The following NECAB1 variants were observed in gnomAD, a reference collection of about 807,000 sequenced individuals.
The protein encoded by NECAB1 is N-terminal EF-hand calcium binding protein 1.
A neutral mutation model predicts 57.5 loss-of-function variants in NECAB1; 29 were observed. The ratio of observed to expected loss-of-function variants is 0.50; its 90% CI spans 0.38 to 0.69. The LOEUF (loss-of-function observed/expected upper bound fraction) is 0.69. Among genes scored for constraint, NECAB1 ranks in the 30% least tolerant of loss-of-function variants. NECAB1 has a pLI of 0.00. For synonymous variants in NECAB1, 142 were observed against 147.7 expected, an observed-to-expected ratio of 0.96 and a Z score of 0.28; for missense variants, 372 against 413.8, an observed-to-expected ratio of 0.90 and a Z score of 0.88.
intron 12 of NECAB1, among the ~76,000 whole-genome samples, chr8:90,951,597 G>A (rs577558708): frequency 1.3e-5 from 2 of 152,138 alleles, no homozygotes; most frequent in Admixed American, 1.3e-4. Flanking sequence ...ATTAATATGT[G>A]CTAGGCATCA....
At chr8:90,939,005 T>C (rs1052971639) in intron 9 of NECAB1, among the ~76,000 whole-genome samples, 1 of 152,078 alleles carries the variant, frequency 6.6e-6, no homozygotes, top group Non-Finnish European at 1.5e-5. Flanking sequence ...CTCTATGTGG[T>C]TTTTAATCCT....
chr8:90,823,146 T>C (rs1274013981), intron 2 of NECAB1, among the ~76,000 whole-genome samples: 2 of 151,810 alleles, frequency 1.3e-5, no homozygotes, highest in Non-Finnish European at 2.9e-5. Flanking sequence ...TGCAATGGGT[T>C]GTTATGTCAC....
At chr8:90,923,571 CTAAAATGTATGGGGTCAACCAA>C (rs1471450715) in intron 6 of NECAB1, among the ~76,000 whole-genome samples, 1 of 152,204 alleles carries the variant, frequency 6.6e-6, no homozygotes, top group Non-Finnish European at 1.5e-5. Flanking sequence ...GTTCCTCCTT[CTAAAATGTATGGGGTCAACCAA>C]AAGGACAAAT....
In NECAB1 at chr8:90,936,029, C is replaced by A. The variant is rs373105736; in HGVS notation, c.747+1672C>A. ...AATTGGTTTGTTTTTTCAGAAGTAA[C>A]AATAAGATATTTGTCATTAAAAGTT... On this transcript the variant is annotated intron_variant, in intron 9 of 12. Transcript: ENST00000417640. 3.2e-4 allele frequency among the ~76,000 whole-genome samples: 48 copies of A among 152,140 alleles called. 1 individual carries two copies. The highest frequency in any genetic ancestry group is 1.1e-3 in the African/African-American group (47 of 41,532).
At chr8:90,829,322 C>A (rs768741823) in intron 3 of NECAB1, among the ~76,000 whole-genome samples, 42 of 152,060 alleles carry the variant, frequency 2.8e-4, no homozygotes, top group Non-Finnish European at 5.0e-4. Context: ...CAAAAGTGTT[C>A]TTATTCATCA....
chr8:90,925,731 A>C, intron 7 of NECAB1, 75 bp downstream of exon 7: 1 of 1,561,884 alleles, frequency 6.4e-7, no homozygotes, highest in South Asian at 1.2e-5. Context: ...ATTTTAACAA[A>C]CAACAGATAA....
At chr8:90,816,231 T>A (rs1314461581) in intron 2 of NECAB1, among the ~76,000 whole-genome samples, 1 of 151,916 alleles carries the variant, frequency 6.6e-6, no homozygotes, top group African/African-American at 2.4e-5. Context: ...GTTTTAAGAG[T>A]TCTTTGTATA....
At chr8:90,830,331 G>C (rs533132165) in intron 3 of NECAB1, among the ~76,000 whole-genome samples, 4 of 152,172 alleles carry the variant, frequency 2.6e-5, no homozygotes, top group East Asian at 1.9e-4. Context: ...CTGGAGAATA[G>C]AGCAGGCCAC....
At chr8:90,916,122 C>T (rs1809945378) in intron 5 of NECAB1, among the ~76,000 whole-genome samples, 1 of 152,186 alleles carries the variant, frequency 6.6e-6, no homozygotes, top group African/African-American at 2.4e-5. Flanking sequence ...CAATATTAAC[C>T]ATCTCAGTAG....
chr8:90,893,229 A>G (rs1809231724), intron 5 of NECAB1, among the ~76,000 whole-genome samples: 1 of 151,540 alleles, frequency 6.6e-6, no homozygotes, highest in South Asian at 2.1e-4. Flanking sequence ...TTGATCCTCC[A>G]AGTGGGGTGT....
intron 10 of NECAB1, among the ~76,000 whole-genome samples, chr8:90,947,000 A>G (rs1328423645): frequency 6.6e-6 from 1 of 152,224 alleles, no homozygotes. Context: ...CCCCCAAAGT[A>G]CCTGTGAAGG....
intron 1 of NECAB1, among the ~76,000 whole-genome samples, chr8:90,792,774 A>G (rs534995234): frequency 2.0e-5 from 3 of 150,810 alleles, no homozygotes; most frequent in African/African-American, 7.3e-5. Context: ...TTTATTTCTT[A>G]TTTATTTCTC....
chr8:90,954,914 A>C (rs576577809), intron 12 of NECAB1, among the ~76,000 whole-genome samples: 1 of 148,026 alleles, frequency 6.8e-6, no homozygotes, highest in Non-Finnish European at 1.5e-5. Flanking sequence ...ATGTATGTGT[A>C]TACAAATGCA....
chr8:90,829,742 A>G (rs947984556), intron 3 of NECAB1, among the ~76,000 whole-genome samples: 1 of 152,070 alleles, frequency 6.6e-6, no homozygotes, highest in African/African-American at 2.4e-5. Flanking sequence ...CTACTAAAAG[A>G]GCATAGTCCA....
intron 2 of NECAB1, among the ~76,000 whole-genome samples, chr8:90,818,649 T>G (rs1020078479): frequency 4.6e-5 from 7 of 152,080 alleles, no homozygotes; most frequent in African/African-American, 1.2e-4. Flanking sequence ...CTTCTTGTTC[T>G]GTCTACATTT....
Position 90,955,791 on chromosome 8 carries a change from G to A in NECAB1, c.*279G>A, listed in dbSNP as rs1655225749. On this transcript the variant is annotated 3_prime_UTR_variant, in exon 13 of 13. Coordinates refer to ENST00000417640, the MANE Select transcript of NECAB1 (RefSeq NM_022351.5). ...TTTAGTGACAAAATCCTAATATGTG[G>A]AAAAAAGCATATGCATAAAGGAATA... 1.2e-5 allele frequency: 4 copies of A among 345,928 alleles called. No individual in the cohort carries two copies. In the South Asian group the frequency reaches 2.2e-4, roughly 19 times the overall value. The allele number at this position is 345,928 out of a possible 1,614,324, so 21.4% of individuals were successfully genotyped here. A position where few individuals can be genotyped will look rare whatever the true frequency, so the allele number is the denominator to read the frequency against.
intron 6 of NECAB1, among the ~76,000 whole-genome samples, chr8:90,917,951 TAC>T (rs745796405): frequency 1.7e-4 from 7 of 40,722 alleles, no homozygotes; most frequent in South Asian, 5.5e-4. Flanking sequence ...TGTATATATA[TAC>T]ACACACACAT....
At chr8:90,872,099 C>T (rs1161821589) in intron 3 of NECAB1, 29 bp from the exon 4 acceptor site, 4 of 1,524,508 alleles carry the variant, frequency 2.6e-6, no homozygotes, top group Non-Finnish European at 3.5e-6. Flanking sequence ...AAAGTAATAA[C>T]ACTGTTTTTT....
rs140540523 is a variant in NECAB1, at chr8:90,923,235, G to A, written c.495-2300G>A. ...GATCCTTGAAGAACCCCAGACATAA[G>A]CTGTCTGGAGAAGGTGAGCATATGT... On this transcript the variant is annotated intron_variant, in intron 6 of 12. Transcript: ENST00000417640. Among the ~76,000 whole-genome samples the A allele has an allele frequency of 4.4e-4, 67 of 152,292 alleles. No homozygotes were observed. The East Asian group carries it at 0.012, about 28-fold the overall frequency.
Sources: allele counts gnomAD v4.1 joint callset (sites outside exome capture counted in the v4.1 genomes callset), GRCh38; gene constraint gnomAD v4.1.1; transcripts MANE v1.5; gene names NCBI Gene and HGNC (gene_info 2026-07-23, HGNC 2026-07-21).